Variants in ERICH1 observed in about 807,000 individuals in gnomAD.
ERICH1 encodes the protein glutamate-rich protein 1.
Under a neutral mutation model 39.6 loss-of-function variants are expected in ERICH1, and 56 were observed. That is an observed-to-expected ratio of 1.41 (90% CI 1.14 to 1.77). The LOEUF (loss-of-function observed/expected upper bound fraction) is 1.77. Ranked by LOEUF, ERICH1 falls within the 40% of genes most tolerant of loss-of-function variation. The probability of loss-of-function intolerance (pLI) is 0.00; values close to 1 mark genes in which losing one functional copy is unlikely to be tolerated. For synonymous variants in ERICH1, 313 were observed against 223.6 expected (o/e 1.40, Z -3.57); for missense variants, 826 against 575.4 (o/e 1.44, Z -4.45).
chr8:673,502 G>A lies in ERICH1; in HGVS notation c.850C>T (p.Arg284Trp), dbSNP rs770371219. 3.2e-5 allele frequency: 52 copies of A among 1,611,294 alleles called. No homozygotes were observed. Among genetic ancestry groups the A allele is most frequent in the South Asian group, 3.1e-4 (28 of 90,912 alleles). ...TCTTTACCGTCTTCCTCCCCGGCCC[G>A]TGTCAGGTCTTCCTCAATGGTGTCC... ...GVDTIEEDLTRAGEEDGKDTR... is the reference protein window; with the variant it reads ...GVDTIEEDLTWAGEEDGKDTR... The change falls in exon 4 of 6, where the codon CGG becomes TGG. Residue 284 changes from arginine (R) to tryptophan (W), a missense_variant. Arg to Trp is a moderately radical substitution (Grantham distance 101). Transcript: ENST00000262109.
chr8:630,127 A>G (rs1463344848), intron 3 of ERICH1, among the ~76,000 whole-genome samples: 157 of 109,018 alleles, frequency 1.4e-3, no homozygotes, highest in East Asian at 6.3e-3. Flanking sequence ...GCACCCACAC[A>G]GACAGAGCTG....
intron 1 of ERICH1, among the ~76,000 whole-genome samples, chr8:723,377 T>G (rs1817789795): frequency 6.6e-6 from 1 of 152,212 alleles, no homozygotes; most frequent in African/African-American, 2.4e-5. Flanking sequence ...TAACATTCCT[T>G]TTTAGTTTCC....
intron 3 of ERICH1, among the ~76,000 whole-genome samples, chr8:685,584 A>G (rs1233980075): frequency 6.6e-6 from 1 of 152,230 alleles, no homozygotes; most frequent in Non-Finnish European, 1.5e-5. Context: ...GATTGCAATA[A>G]AGACAGGCAT....
chr8:663,853 A>G (rs185501810), downstream of ERICH1, among the ~76,000 whole-genome samples: 44 of 151,688 alleles, frequency 2.9e-4, no homozygotes, highest in African/African-American at 9.7e-4. Context: ...TCTGCCTCCC[A>G]GGTTCATGCC....
intron 3 of ERICH1, among the ~76,000 whole-genome samples, chr8:630,364 T>A (rs1255370443): frequency 9.9e-4 from 104 of 105,514 alleles, no homozygotes; most frequent in South Asian, 9.5e-4. Flanking sequence ...CAGAGCTGAC[T>A]CACACCCTCC....
At chr8:698,866 C>A (rs902187291) in intron 2 of ERICH1, among the ~76,000 whole-genome samples, 1 of 151,460 alleles carries the variant, frequency 6.6e-6, no homozygotes, top group Non-Finnish European at 1.5e-5. Flanking sequence ...AGGTAGGATG[C>A]CACGAAGTAG....
intron 1 of ERICH1, 23 bp from the exon 2 acceptor site, chr8:716,030 G>C (rs779274036): frequency 9.6e-6 from 15 of 1,569,002 alleles, no homozygotes; most frequent in South Asian, 2.4e-5. Flanking sequence ...CCGATTAAAA[G>C]AAAAGGAGGA....
intron 3 of ERICH1, among the ~76,000 whole-genome samples, chr8:681,158 A>G (rs1435993317): frequency 6.6e-6 from 1 of 152,106 alleles, no homozygotes; most frequent in African/African-American, 2.4e-5. Flanking sequence ...CCTGCTGTCA[A>G]CTGGGGGTTT....
intron 3 of ERICH1, among the ~76,000 whole-genome samples, chr8:678,585 G>A (rs552996887): frequency 1.2e-4 from 18 of 152,226 alleles, no homozygotes; most frequent in African/African-American, 1.9e-4. Context: ...CGAGGCGGGC[G>A]GATCACGAGG....
At chr8:626,904 C>T (rs2117069012) in intron 3 of ERICH1, 1 of 321,392 alleles carries the variant, frequency 3.1e-6, no homozygotes, top group South Asian at 2.4e-5. Context: ...TTCATTCTTG[C>T]CTAGAGTAAG....
intron 3 of ERICH1, among the ~76,000 whole-genome samples, chr8:677,343 G>C (rs924601103): frequency 6.6e-6 from 1 of 152,212 alleles, no homozygotes; most frequent in East Asian, 1.9e-4. Context: ...CCGCTTTGTG[G>C]AAGAGAGTTC....
chr8:631,197 A>C (rs1382364835), intron 3 of ERICH1, among the ~76,000 whole-genome samples: 3 of 152,242 alleles, frequency 2.0e-5, no homozygotes, highest in Non-Finnish European at 4.4e-5. Context: ...TGGGAGGAGA[A>C]CAGGGGTGCC....
At chr8:616,377 C>G (rs976436942) in intron 3 of ERICH1, 10 of 354,252 alleles carry the variant, frequency 2.8e-5, no homozygotes, top group Non-Finnish European at 5.7e-5. Flanking sequence ...TGGGCGGCCG[C>G]CGTCCAGAGA....
At chr8:623,782 C>A (rs568419844) in intron 3 of ERICH1, among the ~76,000 whole-genome samples, 4 of 152,288 alleles carry the variant, frequency 2.6e-5, no homozygotes, top group Middle Eastern at 3.4e-3. Context: ...AGTGTCATAA[C>A]TGAAACTATA....
At chr8:656,896 T>C (rs1449505623) in intron 3 of ERICH1, 1 of 952,690 alleles carries the variant, frequency 1.0e-6, no homozygotes, top group African/African-American at 1.8e-5. Flanking sequence ...TATGGATTAA[T>C]TCATTTAAGA....
At chr8:649,580 C>T (rs572947683) in intron 3 of ERICH1, among the ~76,000 whole-genome samples, 2 of 151,952 alleles carry the variant, frequency 1.3e-5, no homozygotes, top group African/African-American at 2.4e-5. Flanking sequence ...TGTTGGATGT[C>T]CAGCACCGTA....
At chr8:713,809 G>A (rs1287381350) in intron 2 of ERICH1, among the ~76,000 whole-genome samples, 1 of 152,146 alleles carries the variant, frequency 6.6e-6, no homozygotes, top group Non-Finnish European at 1.5e-5. Flanking sequence ...ACAAATGCGT[G>A]GAGAACAAAT....
intron 3 of ERICH1, among the ~76,000 whole-genome samples, chr8:680,845 C>G (rs1805960680): frequency 6.6e-6 from 1 of 152,244 alleles, no homozygotes; most frequent in African/African-American, 2.4e-5. Context: ...CCACACACCA[C>G]CTGGCCCCAC....
intron 4 of ERICH1, 144 bp downstream of exon 4, chr8:673,145 T>C: frequency 1.0e-6 from 1 of 1,002,398 alleles, no homozygotes; most frequent in Non-Finnish European, 1.4e-6. Context: ...GAATATTTTT[T>C]ACTTATATTA....
Sources: allele counts gnomAD v4.1 joint callset (sites outside exome capture counted in the v4.1 genomes callset), GRCh38; gene constraint gnomAD v4.1.1; transcripts MANE v1.5; gene names NCBI Gene and HGNC (gene_info 2026-07-23, HGNC 2026-07-21).